The following SGCZ variants were observed in gnomAD, a reference collection of about 807,000 sequenced individuals.
The protein encoded by SGCZ is sarcoglycan zeta.
Under a neutral mutation model 41.3 loss-of-function variants are expected in SGCZ, and 40 were observed. That is an observed-to-expected ratio of 0.97 (90% CI 0.75 to 1.26). The LOEUF is 1.26. SGCZ is among the 50% of genes most tolerant of loss of function. The pLI is 0.00. For missense variants in SGCZ, 552 were observed against 369.8 expected, an observed-to-expected ratio of 1.49 and a Z score of -4.04; for synonymous variants, 206 against 137.5, an observed-to-expected ratio of 1.50 and a Z score of -3.49.
At chr8:14,422,111 T>C (rs1799652635) in intron 2 of SGCZ, among the ~76,000 whole-genome samples, 1 of 152,146 alleles carries the variant, frequency 6.6e-6, no homozygotes, top group African/African-American at 2.4e-5. Context: ...TAACAGTGGG[T>C]TCATTCAAAA....
chr8:14,244,922 G>C (rs1027373655), intron 3 of SGCZ, among the ~76,000 whole-genome samples: 3 of 151,912 alleles, frequency 2.0e-5, no homozygotes, highest in African/African-American at 4.8e-5. Flanking sequence ...AAGAATGCTT[G>C]TGATTTTTGT....
rs561530677 is a variant in SGCZ, at chr8:14,991,823, G to A, written c.39+245762C>T. Among the ~76,000 whole-genome samples, 40 of 132,596 alleles carry A rather than the reference G, an allele frequency of 3.0e-4. No individual in the cohort carries two copies. In the South Asian group the frequency reaches 5.7e-3, roughly 19 times the overall value. 87.0% of individuals were successfully genotyped at this position (132,596 alleles called of 152,430 possible). On this transcript the variant is annotated intron_variant, in intron 1 of 7. Transcript: ENST00000382080. ...TCTTGATGTTTACCTCTCACCCATC[G>A]TCCTCATCTAATCGACACACAAATC...
At chr8:15,081,461 T>A (rs1199793685) in intron 1 of SGCZ, among the ~76,000 whole-genome samples, 2 of 151,682 alleles carry the variant, frequency 1.3e-5, no homozygotes, top group Non-Finnish European at 1.5e-5. Flanking sequence ...CTAGTGGAGA[T>A]GCACATTTTT....
intron 3 of SGCZ, among the ~76,000 whole-genome samples, chr8:14,314,459 G>A (rs1801650749): frequency 1.3e-5 from 2 of 152,116 alleles, no homozygotes; most frequent in South Asian, 4.1e-4. Flanking sequence ...AATCAGCATT[G>A]AAAATCTCGT....
chr8:14,090,765 G>A (rs774879274), intron 7 of SGCZ, 128 bp from the exon 8 acceptor site: 2 of 800,646 alleles, frequency 2.5e-6, no homozygotes, highest in South Asian at 1.9e-5. Flanking sequence ...TAGCTGCCAT[G>A]CTTTGTTGAA....
At chr8:14,243,150 T>A (rs192827914) in intron 3 of SGCZ, among the ~76,000 whole-genome samples, 15 of 152,332 alleles carry the variant, frequency 9.8e-5, no homozygotes, top group Admixed American at 3.3e-4. Flanking sequence ...TCTCCCTACT[T>A]GGTATTCTGA....
rs556781669 is a variant in SGCZ at position 14,179,799 on chromosome 8, T to C, written c.425-15097A>G. ...AGAAAACTAACTCCAGGTATTCCTA[T>C]ACTTACTGGGCTGCTAGAAGATACT... On this transcript the variant is annotated intron_variant, in intron 4 of 7. Coordinates refer to ENST00000382080, the MANE Select transcript of SGCZ (RefSeq NM_139167.4). 4.6e-5 allele frequency among the ~76,000 whole-genome samples: 7 copies of C among 152,262 alleles called. No homozygotes were observed. The East Asian group carries it at 7.7e-4, about 17-fold the overall frequency.
At chr8:15,228,029 T>C (rs946386222) in intron 1 of SGCZ, among the ~76,000 whole-genome samples, 1 of 152,138 alleles carries the variant, frequency 6.6e-6, no homozygotes, top group Non-Finnish European at 1.5e-5. Flanking sequence ...TCACTTTGAG[T>C]CGAAATATGG....
intron 1 of SGCZ, among the ~76,000 whole-genome samples, chr8:15,178,454 C>G (rs1206652029): frequency 6.6e-6 from 1 of 152,124 alleles, no homozygotes; most frequent in Non-Finnish European, 1.5e-5. Flanking sequence ...GACATATTTT[C>G]AAATACATAG....
At chr8:14,874,039 C>G (rs1273480868) in intron 1 of SGCZ, among the ~76,000 whole-genome samples, 1 of 152,046 alleles carries the variant, frequency 6.6e-6, no homozygotes, top group Non-Finnish European at 1.5e-5. Flanking sequence ...CCATGGAAAA[C>G]TGTGATTTAC....
At chr8:14,585,494 G>A (rs866605078) in intron 1 of SGCZ, among the ~76,000 whole-genome samples, 12 of 151,918 alleles carry the variant, frequency 7.9e-5, no homozygotes, top group Admixed American at 3.3e-4. Flanking sequence ...TATGAATATG[G>A]TATTTCTCCA....
chr8:15,172,154 G>GGGTTT (rs1799851769), intron 1 of SGCZ, among the ~76,000 whole-genome samples: 1 of 71,774 alleles, frequency 1.4e-5, no homozygotes, highest in Non-Finnish European at 2.7e-5. Context: ...TTTATACTCT[G>GGGTTT]TTTTTTTTTT....
intron 1 of SGCZ, among the ~76,000 whole-genome samples, chr8:14,679,488 A>AATATATATACATATATATT (rs1563198196): frequency 2.1e-5 from 3 of 143,756 alleles, no homozygotes; most frequent in South Asian, 2.2e-4. Context: ...TCAAAAAAGT[A>AATATATATACATATATATT]ATATATATAC....
At chr8:15,047,924 G>A (rs1307361274) in intron 1 of SGCZ, among the ~76,000 whole-genome samples, 1 of 151,966 alleles carries the variant, frequency 6.6e-6, no homozygotes, top group Non-Finnish European at 1.5e-5. Context: ...AAAACCGTAT[G>A]GAGGTTTCTC....
intron 1 of SGCZ, among the ~76,000 whole-genome samples, chr8:15,082,420 A>G (rs1020256090): frequency 2.2e-5 from 3 of 133,780 alleles, no homozygotes; most frequent in Non-Finnish European, 3.3e-5. Flanking sequence ...ACACACATAT[A>G]TATGTGTGTG....
chr8:14,715,494 T>G (rs909577509), intron 1 of SGCZ, among the ~76,000 whole-genome samples: 1 of 151,400 alleles, frequency 6.6e-6, no homozygotes, highest in Non-Finnish European at 1.5e-5. Flanking sequence ...AACAAAAAAC[T>G]AGAGCCCAAG....
At position 14,960,794 on chromosome 8, in the gene SGCZ, A is replaced by G. The variant is rs1800938773; in HGVS notation, c.39+276791T>C. On this transcript the variant is annotated intron_variant, in intron 1 of 7. Transcript: ENST00000382080. ...AGTCATCATTTCTACTACATCAATT[A>G]AGGAAATCACTGATTTTTTTTACAC... Among the ~76,000 whole-genome samples, 3 of 152,060 alleles carry G rather than the reference A, an allele frequency of 2.0e-5. No homozygotes were observed. The South Asian group carries it at 6.2e-4, about 31-fold the overall frequency.
At chr8:14,338,775 G>T (rs1270493457) in intron 2 of SGCZ, among the ~76,000 whole-genome samples, 2 of 152,050 alleles carry the variant, frequency 1.3e-5, no homozygotes, top group Admixed American at 6.6e-5. Context: ...TTTTACAGGG[G>T]TTTTAAATTG....
At chr8:14,315,829 G>A (rs1413443541) in intron 3 of SGCZ, among the ~76,000 whole-genome samples, 1 of 150,290 alleles carries the variant, frequency 6.7e-6, no homozygotes, top group African/African-American at 2.5e-5. Flanking sequence ...AACTAAAACT[G>A]GTTCTAAGTA....
Sources: allele counts gnomAD v4.1 joint callset (sites outside exome capture counted in the v4.1 genomes callset), GRCh38; gene constraint gnomAD v4.1.1; transcripts MANE v1.5; gene names NCBI Gene and HGNC (gene_info 2026-07-23, HGNC 2026-07-21).